SEPTIN14: variants seen among roughly 807,000 people sequenced by gnomAD.
SEPTIN14 encodes septin-14.
In SEPTIN14, 40 loss-of-function variants were observed where a neutral mutation model predicts 53.6. The observed-to-expected ratio is 0.75, with a 90% confidence interval of 0.58 to 0.97. SEPTIN14 has a LOEUF of 0.97. SEPTIN14 is among the 50% of genes least tolerant of loss of function. The probability of loss-of-function intolerance (pLI) is 0.00; values close to 1 mark genes in which losing one functional copy is unlikely to be tolerated. For synonymous variants in SEPTIN14, 138 were observed against 166.8 expected (o/e 0.83, Z 1.33); for missense variants, 471 against 508.2 (o/e 0.93, Z 0.70).
At chr7:55,814,758 C>A (rs1235488032) in intron 7 of SEPTIN14, among the ~76,000 whole-genome samples, 1 of 152,072 alleles carries the variant, frequency 6.6e-6, no homozygotes, top group African/African-American at 2.4e-5. Context: ...AATGCGATCC[C>A]TATCAAAATA....
intron 9 of SEPTIN14, among the ~76,000 whole-genome samples, chr7:55,797,676 T>G (rs1788452999): frequency 6.6e-6 from 1 of 152,052 alleles, no homozygotes; most frequent in African/African-American, 2.4e-5. Context: ...CAAGTAAAAA[T>G]GAAAGAATGC....
At chr7:55,832,008 C>G (rs1253536385) in intron 6 of SEPTIN14, among the ~76,000 whole-genome samples, 1 of 151,994 alleles carries the variant, frequency 6.6e-6, no homozygotes, top group African/African-American at 2.4e-5. Context: ...TCAAGACCAG[C>G]CTGACCAATA....
chr7:55,811,955 G>A (rs2115976896), intron 7 of SEPTIN14, among the ~76,000 whole-genome samples: 1 of 152,088 alleles, frequency 6.6e-6, no homozygotes, highest in Non-Finnish European at 1.5e-5. Flanking sequence ...CACCACACAT[G>A]GCTAAGTTTT....
At chr7:55,821,835 A>G (rs1376004663) in intron 6 of SEPTIN14, among the ~76,000 whole-genome samples, 3 of 152,192 alleles carry the variant, frequency 2.0e-5, no homozygotes, top group Non-Finnish European at 2.9e-5. Context: ...AACCACCTAT[A>G]TTAGTCTGTT....
chr7:55,812,259 G>A (rs1247072449), intron 7 of SEPTIN14, among the ~76,000 whole-genome samples: 1 of 152,178 alleles, frequency 6.6e-6, no homozygotes, highest in African/African-American at 2.4e-5. Context: ...CTTTTAAAAA[G>A]AATGAAATCC....
At chr7:55,846,908 A>C (rs1789425829) in intron 2 of SEPTIN14, among the ~76,000 whole-genome samples, 1 of 151,972 alleles carries the variant, frequency 6.6e-6, no homozygotes, top group Non-Finnish European at 1.5e-5. Flanking sequence ...GAGACAGGGG[A>C]CAGGCACGGT....
At chr7:55,823,560 C>G (rs1788933288) in intron 6 of SEPTIN14, among the ~76,000 whole-genome samples, 1 of 152,194 alleles carries the variant, frequency 6.6e-6, no homozygotes, top group South Asian at 2.1e-4. Context: ...GGCTGAGCCA[C>G]TGTGCAAGCC....
At chr7:55,851,910 A>G (rs1789521748) in intron 2 of SEPTIN14, among the ~76,000 whole-genome samples, 1 of 152,142 alleles carries the variant, frequency 6.6e-6, no homozygotes, top group African/African-American at 2.4e-5. Context: ...TGGGAGGCTG[A>G]GGCGGGTGGA....
At chr7:55,811,565 G>A (rs1788706614) in intron 7 of SEPTIN14, among the ~76,000 whole-genome samples, 2 of 135,910 alleles carry the variant, frequency 1.5e-5, no homozygotes, top group Non-Finnish European at 3.1e-5. Context: ...GTAGTGGTGT[G>A]ATCTCAGCTC....
At chr7:55,842,709 G>A (rs1275723150) in intron 5 of SEPTIN14, among the ~76,000 whole-genome samples, 2 of 151,824 alleles carry the variant, frequency 1.3e-5, no homozygotes, top group Non-Finnish European at 2.9e-5. Flanking sequence ...TCAGGAGATC[G>A]AGACCATCCT....
intron 2 of SEPTIN14, among the ~76,000 whole-genome samples, chr7:55,855,675 C>T (rs1410956675): frequency 6.6e-6 from 1 of 152,064 alleles, no homozygotes; most frequent in African/African-American, 2.4e-5. Context: ...CCTGACTCAA[C>T]GTCCTGAGTA....
At chr7:55,850,198 G>A (rs552066574) in intron 2 of SEPTIN14, among the ~76,000 whole-genome samples, 71 of 152,256 alleles carry the variant, frequency 4.7e-4, no homozygotes, top group African/African-American at 1.7e-3. Flanking sequence ...CAGGCCAGGG[G>A]CGGTGGCTCA....
intron 6 of SEPTIN14, among the ~76,000 whole-genome samples, chr7:55,819,506 G>A (rs1416616242): frequency 6.6e-6 from 1 of 152,008 alleles, no homozygotes; most frequent in African/African-American, 2.4e-5. Context: ...GGAGAATGGC[G>A]TGAACCCGGA....
chr7:55,853,107 T>G (rs1337755617), intron 2 of SEPTIN14, among the ~76,000 whole-genome samples: 1 of 152,098 alleles, frequency 6.6e-6, no homozygotes, highest in African/African-American at 2.4e-5. Context: ...TGAATTAGTA[T>G]GGAGAACGTA....
At chr7:55,830,122 G>A (rs1395461142) in intron 6 of SEPTIN14, among the ~76,000 whole-genome samples, 6 of 147,860 alleles carry the variant, frequency 4.1e-5, no homozygotes, top group African/African-American at 1.5e-4. Context: ...AGCTTGCAGT[G>A]AGCAGAGATC....
Position 55,861,965 on chromosome 7 carries a change from T to G in SEPTIN14, c.32A>C (p.Gln11Pro). 6.3e-7 allele frequency: 1 copy of G among 1,584,688 alleles called. No individual in the cohort carries two copies. Among genetic ancestry groups the G allele is most frequent in the Non-Finnish European group, 8.6e-7 (1 of 1,168,576 alleles). The change falls in exon 2 of 10, where the codon CAA (glutamine) becomes CCA (proline). Residue 11 changes from glutamine (Q) to proline (P), a missense_variant. Transcript: ENST00000388975. The part of the protein sequence containing the change: MAERTMAMPT[Q>P]IPADGDTQKE... ...AACTGTATCTCCATCAGCAGGTATT[T>G]GTGTGGGCATAGCCATTGTTCTTTC...
At chr7:55,818,471 T>TC in intron 7 of SEPTIN14, among the ~76,000 whole-genome samples, 1 of 39,390 alleles carries the variant, frequency 2.5e-5, no homozygotes, top group African/African-American at 2.2e-4. Context: ...AAACTCTGTC[T>TC]CAAAAAAAAA....
intron 2 of SEPTIN14, among the ~76,000 whole-genome samples, chr7:55,847,207 C>T (rs763384464): frequency 6.6e-6 from 1 of 150,534 alleles, no homozygotes; most frequent in Non-Finnish European, 1.5e-5. Context: ...AACTCTGTCT[C>T]AAAAAATTAA....
At chr7:55,852,388 T>C (rs1295319333) in intron 2 of SEPTIN14, among the ~76,000 whole-genome samples, 2 of 152,006 alleles carry the variant, frequency 1.3e-5, no homozygotes, top group East Asian at 3.9e-4. Flanking sequence ...AATTCAGACA[T>C]GTACAGTGAA....
Sources: gnomAD v4.1 joint callset for allele counts (sites outside exome capture counted in the v4.1 genomes callset) on GRCh38, gnomAD v4.1.1 for gene constraint, MANE v1.5 for transcripts, NCBI Gene and HGNC (gene_info 2026-07-23, HGNC 2026-07-21) for gene names.